SHH: variants seen among roughly 807,000 people sequenced by gnomAD.
The protein encoded by SHH is sonic hedgehog protein.
In SHH, 3 loss-of-function variants were observed where a neutral mutation model predicts 16.6. That is an observed-to-expected ratio of 0.18 (90% confidence interval 0.08 to 0.47). The LOEUF is 0.47. Among genes scored for constraint, SHH ranks in the 20% least tolerant of loss-of-function variants. The pLI is 0.98. For missense variants in SHH, 499 were observed against 665.0 expected, an observed-to-expected ratio of 0.75 and a Z score of 2.75; for synonymous variants, 351 against 316.2, an observed-to-expected ratio of 1.11 and a Z score of -1.17.
rs778150858 is a variant in SHH at position 155,806,548 on chromosome 7, C to T, written c.310G>A (p.Asp104Asn). 3 of 1,610,990 alleles carry T rather than the reference C, an allele frequency of 1.9e-6. No homozygotes were observed. Among genetic ancestry groups the T allele is most frequent in the Middle Eastern group, 1.7e-4 (1 of 6,040 alleles). ...GAGATGGCCAAAGCGTTCAACTTGT[C>T]CTTACACCTCTGCGAAGACAAGGGG... ...ADRLMTQRCKDKLNALAISVM... is the reference protein window; with the variant it reads ...ADRLMTQRCKNKLNALAISVM... The change falls in exon 2 of 3, where the codon GAC (aspartate) becomes AAC (asparagine). Residue 104 changes from aspartate (D) to asparagine (N), a missense_variant. Transcript: ENST00000297261.
In SHH at chr7:155,800,766, C is replaced by T. The variant is rs1803162624; in HGVS notation, c.*2134G>A. ...TGCGCCATCCACCTGGTCACACACCCTCCACGGAAGGCCACTCAAGGGCAG... is the reference window on the plus strand; with the variant it reads ...TGCGCCATCCACCTGGTCACACACCTTCCACGGAAGGCCACTCAAGGGCAG... On this transcript the variant is annotated 3_prime_UTR_variant, in exon 3 of 3. Coordinates refer to ENST00000297261, the MANE Select transcript of SHH (RefSeq NM_000193.4). 2.5e-6 allele frequency: 1 copy of T among 400,606 alleles called. No individual in the cohort carries two copies. The highest frequency in any genetic ancestry group is 1.8e-5 in the South Asian group (1 of 55,154). The allele number at this position is 400,606 out of a possible 1,614,324, so 24.8% of individuals were successfully genotyped here.
At chr7:155,808,195 G>A (rs1803415801) in intron 1 of SHH, among the ~76,000 whole-genome samples, 1 of 152,188 alleles carries the variant, frequency 6.6e-6, no homozygotes, top group African/African-American at 2.4e-5. Context: ...CAGAGTTTGA[G>A]TGAGGTCATC....
chr7:155,805,308 T>TGCCGCCCCC (rs1803327504), intron 2 of SHH, among the ~76,000 whole-genome samples: 1 of 151,654 alleles, frequency 6.6e-6, no homozygotes, highest in Admixed American at 6.6e-5. Context: ...CACCCGCCCC[T>TGCCGCCCCC]GCCGCCCCCG....
chr7:155,806,492 C>T lies in SHH; in HGVS notation c.366G>A (p.Leu122=), dbSNP rs774040550. The T allele has an allele frequency of 5.6e-6, 9 of 1,613,458 alleles. No individual in the cohort carries two copies. The Admixed American group carries it at 1.0e-4, about 18-fold the overall frequency. ...CTTCGTCCCAGCCCTCGGTCACCCG[C>T]AGTTTCACTCCTGGCCACTGGTTCA... ...SVMNQWPGVK[L]RVTEGWDEDG... is the part of the protein sequence containing the mutation. Residue 122 remains leucine, a synonymous_variant, in exon 2 of 3, where the codon CTG becomes CTA. Coordinates refer to ENST00000297261, the MANE Select transcript of SHH (RefSeq NM_000193.4).
chr7:155,804,784 C>A (rs1236175627), intron 2 of SHH, among the ~76,000 whole-genome samples: 1 of 141,670 alleles, frequency 7.1e-6, no homozygotes, highest in Non-Finnish European at 1.6e-5. Flanking sequence ...CGCAGGGGGC[C>A]GGGGAGGAGG....
At chr7:155,803,775 G>C in intron 2 of SHH, 49 bp from the exon 3 acceptor site, 5 of 1,499,178 alleles carry the variant, frequency 3.3e-6, no homozygotes, top group Non-Finnish European at 4.6e-6. Flanking sequence ...ATTGAGTTCC[G>C]AGAGGGAGGC....
chr7:155,811,149 ACT>A (rs1803514165), intron 1 of SHH, among the ~76,000 whole-genome samples: 1 of 152,150 alleles, frequency 6.6e-6, no homozygotes, highest in Non-Finnish European at 1.5e-5. Flanking sequence ...ATACATTCAC[ACT>A]CTGATGGGCA....
Position 155,802,764 on chromosome 7 carries a change from C to T in SHH, c.*136G>A. 3 of 502,588 alleles carry T rather than the reference C, an allele frequency of 6.0e-6. No individual in the cohort carries two copies. Among genetic ancestry groups the T allele is most frequent in the Non-Finnish European group, 9.4e-6 (3 of 318,806 alleles). The allele number at this position is 502,588 out of a possible 1,614,324, so 31.1% of individuals were successfully genotyped here. A position where few individuals can be genotyped will look rare whatever the true frequency, so the allele number is the denominator to read the frequency against. On this transcript the variant is annotated 3_prime_UTR_variant, in exon 3 of 3. Coordinates refer to ENST00000297261, the MANE Select transcript of SHH (RefSeq NM_000193.4). ...TTGTTTCCTTAGAGTCTACTTTGGA[C>T]TGTCCTACTTTATTATTCTTATTCT... is the stretch of plus-strand genomic sequence containing the variant.
Position 155,803,446 on chromosome 7 carries a change from G to A in SHH, c.843C>T (p.Ala281=), listed in dbSNP as rs1473683107. The A allele has an allele frequency of 6.5e-7, 1 of 1,542,252 alleles. No individual in the cohort carries two copies. Among genetic ancestry groups the A allele is most frequent in the African/African-American group, 1.4e-5 (1 of 73,218 alleles). The change falls in exon 3 of 3, where the codon GCC becomes GCT. Residue 281 remains alanine, a synonymous_variant. Transcript: ENST00000297261. Reference sequence around the variant, plus strand: ...CCGAGGACGCCTCGGGCTCCCCGGTGGCCGAGTCGTTGTGCGGCGCCACAA... The same window carrying A: ...CCGAGGACGCCTCGGGCTCCCCGGTAGCCGAGTCGTTGTGCGGCGCCACAA... ...LLFVAPHNDS[A]TGEPEASSGS...
At position 155,806,562 on chromosome 7, in the gene SHH, G is replaced by A. The variant is rs751884655; in HGVS notation, c.301-5C>T. On this transcript the variant is annotated splice_region_variant and splice_polypyrimidine_tract_variant and intron_variant, in intron 1 of 2. Coordinates refer to ENST00000297261, the MANE Select transcript of SHH (RefSeq NM_000193.4). ...GTTCAACTTGTCCTTACACCTCTGC[G>A]AAGACAAGGGGACCCCCACCGACGG... 2 of 1,610,302 alleles carry A rather than the reference G, an allele frequency of 1.2e-6. No individual in the cohort carries two copies. Among genetic ancestry groups the A allele is most frequent in the Non-Finnish European group, 1.7e-6 (2 of 1,180,018 alleles).
In SHH at chr7:155,809,997, G is replaced by A. The variant is rs956007261; in HGVS notation, c.300+1826C>T. On this transcript the variant is annotated intron_variant, in intron 1 of 2. Coordinates refer to ENST00000297261, the MANE Select transcript of SHH (RefSeq NM_000193.4). The surrounding 1 kb of genome is among the most constrained non-coding windows in gnomAD (Gnocchi z 6.1). The stretch of plus-strand genomic sequence containing the variant: ...CCCCCATCTCCGCGCCCCCGCCGCC[G>A]GGGACACTACAGCGAGCCCGGCGCT... Among the ~76,000 whole-genome samples the A allele has an allele frequency of 5.6e-4, 84 of 150,982 alleles. No homozygotes were observed. The highest frequency in any genetic ancestry group is 1.0e-3 in the Non-Finnish European group (69 of 67,628).
rs529869630 is a variant in SHH, at chr7:155,805,239, C to G, written c.562+1057G>C. Among the ~76,000 whole-genome samples the G allele has an allele frequency of 2.6e-5, 4 of 152,030 alleles. No homozygotes were observed. In the South Asian group the frequency reaches 8.3e-4, roughly 31 times the overall value. ...CCTGGGCCCAGGGGCCGCCGCCGAG[C>G]CCGCGAGGTGGGGGCGCCGCCTCCT... On this transcript the variant is annotated intron_variant, in intron 2 of 2. Coordinates refer to ENST00000297261, the MANE Select transcript of SHH (RefSeq NM_000193.4).
rs879311789 is a variant in SHH at position 155,800,474 on chromosome 7, C to T, written c.*2426G>A. The T allele has an allele frequency of 2.7e-5, 12 of 451,664 alleles. No homozygotes were observed. The highest frequency in any genetic ancestry group is 7.0e-5 in the East Asian group (1 of 14,192). The allele number at this position is 451,664 out of a possible 1,614,324, so 28.0% of individuals were successfully genotyped here. A position where few individuals can be genotyped will look rare whatever the true frequency, so the allele number is the denominator to read the frequency against. ...CTCAGGCACCTTGGGGCTTGGTCAA[C>T]GCCTGGCTTCTCTCTGATCGTCTGG... On this transcript the variant is annotated 3_prime_UTR_variant, in exon 3 of 3. Coordinates refer to ENST00000297261, the MANE Select transcript of SHH (RefSeq NM_000193.4).
intron 1 of SHH, among the ~76,000 whole-genome samples, chr7:155,808,591 T>C (rs1241526570): frequency 6.6e-6 from 1 of 152,150 alleles, no homozygotes; most frequent in Non-Finnish European, 1.5e-5. Flanking sequence ...TGCGCCCTCC[T>C]CCGGCCCGGG....
At chr7:155,803,837 G>A (rs1803272661) in intron 2 of SHH, 111 bp from the exon 3 acceptor site, 3 of 935,452 alleles carry the variant, frequency 3.2e-6, no homozygotes, top group Non-Finnish European at 4.9e-6. Context: ...TAGGCCAGGG[G>A]TGCGCAAGGC....
intron 2 of SHH, among the ~76,000 whole-genome samples, chr7:155,805,083 G>A (rs1212119492): frequency 4.0e-5 from 6 of 151,770 alleles, no homozygotes; most frequent in African/African-American, 9.7e-5. Flanking sequence ...CTCCCGCGCC[G>A]CGGCTCCGCT....
intron 1 of SHH, among the ~76,000 whole-genome samples, chr7:155,808,129 G>A (rs1281101776): frequency 6.6e-6 from 1 of 152,154 alleles, no homozygotes; most frequent in Non-Finnish European, 1.5e-5. Flanking sequence ...CTGGTAACAG[G>A]TCAGTGCCTG....
In SHH at chr7:155,803,476, C is replaced by G; in HGVS notation, c.813G>C (p.Leu271=). 1 of 1,562,808 alleles carries G rather than the reference C, an allele frequency of 6.4e-7. No individual in the cohort carries two copies. The highest frequency in any genetic ancestry group is 1.7e-4 in the Middle Eastern group (1 of 5,744). ...RERLLLTAAH[L]LFVAPHNDSA... ...AGTCGTTGTGCGGCGCCACAAAGAG[C>G]AGGTGCGCGGCGGTGAGCAGCAGGC... The change falls in exon 3 of 3, where the codon CTG becomes CTC. Residue 271 remains leucine, a synonymous_variant. Transcript: ENST00000297261.
At chr7:155,805,529 G>A (rs569434128) in intron 2 of SHH, among the ~76,000 whole-genome samples, 1 of 152,232 alleles carries the variant, frequency 6.6e-6, no homozygotes, top group Non-Finnish European at 1.5e-5. Context: ...CAATTTATGC[G>A]GGCGGAGAAG....
Sources: gnomAD v4.1 joint callset for allele counts (sites outside exome capture counted in the v4.1 genomes callset) on GRCh38, gnomAD v4.1.1 for gene constraint, Gnocchi (gnomAD v3.1) non-coding constraint, MANE v1.5 for transcripts, NCBI Gene and HGNC (gene_info 2026-07-23, HGNC 2026-07-21) for gene names.